The following CNOT11 variants were observed in gnomAD, a reference collection of about 807,000 sequenced individuals.
The protein encoded by CNOT11 is UPF0760 protein C2orf29.
In CNOT11, 18 loss-of-function variants were observed where a neutral mutation model predicts 44.6. The ratio of observed to expected loss-of-function variants is 0.40; its 90% CI spans 0.28 to 0.60. The LOEUF is 0.60. CNOT11 is among the 20% of genes least tolerant of loss of function. CNOT11 has a pLI of 0.38. For missense variants in CNOT11, 513 were observed against 677.0 expected, an observed-to-expected ratio of 0.76 and a Z score of 2.69; for synonymous variants, 291 against 270.9, an observed-to-expected ratio of 1.07 and a Z score of -0.73.
chr2:101,260,406 GTGGAGGAAGGATCACA>G (rs1681829079), intron 2 of CNOT11, among the ~76,000 whole-genome samples: 1 of 152,098 alleles, frequency 6.6e-6, no homozygotes, highest in African/African-American at 2.4e-5. Flanking sequence ...AGTATATCAC[GTGGAGGAAGGATCACA>G]TGTCTAGAGT....
rs1426314327 is a variant in CNOT11, at chr2:101,269,127, A to G, written c.1326A>G (p.Lys442=). Residue 442 remains lysine (K), a synonymous_variant, in exon 6 of 7, where the codon AAA becomes AAG. Coordinates refer to ENST00000289382, the MANE Select transcript of CNOT11 (RefSeq NM_017546.5). The surrounding 1 kb of genome is among the most constrained non-coding windows in gnomAD (Gnocchi z 4.8). Reference sequence around the variant, plus strand: ...CTACTTGTGAACAGATTAAGGATAAATATATGCAGGTAATATAAATTTTTG... The same window carrying G: ...CTACTTGTGAACAGATTAAGGATAAGTATATGCAGGTAATATAAATTTTTG... ...CISTCEQIKD[K]YMQNRLVRLV... 1 of 1,601,972 alleles carries G rather than the reference A, an allele frequency of 6.2e-7. No individual in the cohort carries two copies. Among genetic ancestry groups the G allele is most frequent in the Non-Finnish European group, 8.5e-7 (1 of 1,171,604 alleles).
At chr2:101,266,631 C>CCTTT (rs761022761) in intron 4 of CNOT11, 46 bp from the exon 5 acceptor site, 3 of 1,466,518 alleles carry the variant, frequency 2.0e-6, no homozygotes, top group Non-Finnish European at 2.9e-6. Context: ...GACTCAACAC[C>CCTTT]CTTTCTCTCT....
chr2:101,266,059 A>G lies in CNOT11; in HGVS notation c.1036-618A>G, dbSNP rs1403569049. 2.6e-5 allele frequency among the ~76,000 whole-genome samples: 4 copies of G among 152,314 alleles called. No homozygotes were observed. The East Asian group carries it at 5.8e-4, about 22-fold the overall frequency. Reference sequence around the variant, plus strand: ...TGGAACATATTAAGTAGACGGGGGAAAAAAAGCATAGGACATTTAAAGAGG... The same window carrying G: ...TGGAACATATTAAGTAGACGGGGGAGAAAAAGCATAGGACATTTAAAGAGG... On this transcript the variant is annotated intron_variant, in intron 4 of 6. Coordinates refer to ENST00000289382, the MANE Select transcript of CNOT11 (RefSeq NM_017546.5).
Position 101,253,169 on chromosome 2 carries a change from T to G in CNOT11, c.205T>G (p.Ser69Ala). The G allele has an allele frequency of 6.3e-7, 1 of 1,593,982 alleles. No individual in the cohort carries two copies. The highest frequency in any genetic ancestry group is 8.5e-7 in the Non-Finnish European group (1 of 1,172,386). The change falls in exon 1 of 7, where the codon TCG becomes GCG. Residue 69 changes from serine to alanine, a missense_variant. Ser to Ala is a moderately conservative substitution (Grantham distance 99). Coordinates refer to ENST00000289382, the MANE Select transcript of CNOT11 (RefSeq NM_017546.5). The surrounding 1 kb of genome is among the most constrained non-coding windows in gnomAD (Gnocchi z 4.3). The stretch of plus-strand genomic sequence containing the variant: ...GATGAGCTTGACCCCGAAGGAGCTC[T>G]CGAGCCTGCTGAGCATCATATCGGA... The part of the protein sequence containing the change: ...GRMSLTPKEL[S>A]SLLSIISEEA...
In CNOT11 at chr2:101,257,876, G is replaced by C. The variant is rs200029893; in HGVS notation, c.600G>C (p.Thr200=). 1 of 1,613,884 alleles carries C rather than the reference G, an allele frequency of 6.2e-7. No homozygotes were observed. The highest frequency in any genetic ancestry group is 1.3e-5 in the African/African-American group (1 of 74,892). ...LAPPRELFKK[T]PRQIALMDVG... ...CCCCACGGGAACTCTTCAAAAAGACGCCTCGCCAGATTGCACTGATGGACG... is the reference window on the plus strand; with the variant it reads ...CCCCACGGGAACTCTTCAAAAAGACCCCTCGCCAGATTGCACTGATGGACG... The change falls in exon 2 of 7, where the codon ACG becomes ACC. Residue 200 remains threonine (T), a synonymous_variant. Transcript: ENST00000289382.
intron 4 of CNOT11, among the ~76,000 whole-genome samples, chr2:101,266,115 AG>A (rs1224984864): frequency 6.6e-6 from 1 of 152,192 alleles, no homozygotes; most frequent in African/African-American, 2.4e-5. Context: ...AAGTCCTTTG[AG>A]GATACCTGTT....
At chr2:101,266,330 T>C (rs1681981774) in intron 4 of CNOT11, among the ~76,000 whole-genome samples, 1 of 151,478 alleles carries the variant, frequency 6.6e-6, no homozygotes, top group Non-Finnish European at 1.5e-5. Flanking sequence ...TTACAACAGA[T>C]GACAGAAAAA....
At position 101,270,145 on chromosome 2, in the gene CNOT11, ATATC is replaced by A. The variant is rs906775408; in HGVS notation, c.*733_*736del. On this transcript the variant is annotated 3_prime_UTR_variant, in exon 7 of 7. Transcript: ENST00000289382. Reference sequence around the variant, plus strand: ...AGCCATTTTTTTGTTTTAAGGAAAAATATCAGTCAGTGCTCCGGGAGGTAATTTC... The same window carrying A: ...AGCCATTTTTTTGTTTTAAGGAAAAAAGTCAGTGCTCCGGGAGGTAATTTC... The A allele has an allele frequency of 1.3e-5, 2 of 152,150 alleles. No homozygotes were observed. Among genetic ancestry groups the A allele is most frequent in the African/African-American group, 2.4e-5 (1 of 41,260 alleles). The allele number at this position is 152,150 out of a possible 1,614,324, so 9.4% of individuals were successfully genotyped here.
chr2:101,266,566 AG>A (rs1366104650), intron 4 of CNOT11, 110 bp from the exon 5 acceptor site: 1 of 770,248 alleles, frequency 1.3e-6, no homozygotes, highest in Non-Finnish European at 2.2e-6. Context: ...CAATGCAGAT[AG>A]TTTTGTAGCT....
At position 101,266,664 on chromosome 2, in the gene CNOT11, C is replaced by G. The variant is rs1218081691; in HGVS notation, c.1036-13C>G. 2.5e-6 allele frequency: 4 copies of G among 1,599,904 alleles called. No individual in the cohort carries two copies. Among genetic ancestry groups the G allele is most frequent in the Non-Finnish European group, 3.4e-6 (4 of 1,170,458 alleles). On this transcript the variant is annotated splice_polypyrimidine_tract_variant and intron_variant, in intron 4 of 6. Transcript: ENST00000289382. Reference sequence around the variant, plus strand: ...TCTCCCTCTCTCTCTCTTTAAAAATCTGGTGTATTTAGCTACTTGGTGAGT... The same window carrying G: ...TCTCCCTCTCTCTCTCTTTAAAAATGTGGTGTATTTAGCTACTTGGTGAGT...
chr2:101,269,115 G>C lies in CNOT11; in HGVS notation c.1314G>C (p.Gln438His). 1 of 1,607,012 alleles carries C rather than the reference G, an allele frequency of 6.2e-7. No individual in the cohort carries two copies. The highest frequency in any genetic ancestry group is 8.5e-7 in the Non-Finnish European group (1 of 1,174,952). ...CAAATTGCATCTCTACTTGTGAACA[G>C]ATTAAGGATAAATATATGCAGGTAA... Reference protein sequence around the residue: ...YISNCISTCEQIKDKYMQNRL... With the variant: ...YISNCISTCEHIKDKYMQNRL... Residue 438 changes from glutamine (Q) to histidine (H), a missense_variant, in exon 6 of 7, where the codon CAG (glutamine) becomes CAC (histidine). Transcript: ENST00000289382. The surrounding 1 kb of genome is among the most constrained non-coding windows in gnomAD (Gnocchi z 4.8).
chr2:101,265,983 C>T lies in CNOT11; in HGVS notation c.1036-694C>T, dbSNP rs143953859. Among the ~76,000 whole-genome samples, 957 of 152,266 alleles carry T rather than the reference C, an allele frequency of 6.3e-3. 4 individuals carry two copies. The highest frequency in any genetic ancestry group is 0.022 in the African/African-American group (912 of 41,540). On this transcript the variant is annotated intron_variant, in intron 4 of 6. Coordinates refer to ENST00000289382, the MANE Select transcript of CNOT11 (RefSeq NM_017546.5). The stretch of plus-strand genomic sequence containing the variant: ...CATTTTCAAAACGAAATAATAGCAA[C>T]GTTTGTAGTTCGCTTTGCTCGCAAG...
chr2:101,264,963 T>C lies in CNOT11; in HGVS notation c.951T>C (p.Cys317=). The C allele has an allele frequency of 6.2e-7, 1 of 1,614,184 alleles. No individual in the cohort carries two copies. The highest frequency in any genetic ancestry group is 8.5e-7 in the Non-Finnish European group (1 of 1,180,038). The change falls in exon 4 of 7, where the codon TGT becomes TGC. Residue 317 remains cysteine (C), a synonymous_variant. Transcript: ENST00000289382. ...CGATCCAGTGGGATAAATCGATGTGTGTTAAGAATAGCACTGGTGTGGAGA... is the reference window on the plus strand; with the variant it reads ...CGATCCAGTGGGATAAATCGATGTGCGTTAAGAATAGCACTGGTGTGGAGA... ...DHAIQWDKSM[C]VKNSTGVEIK...
intron 1 of CNOT11, among the ~76,000 whole-genome samples, chr2:101,257,221 C>T (rs527425911): frequency 2.6e-5 from 4 of 151,100 alleles, no homozygotes; most frequent in East Asian, 2.0e-4. Context: ...GGTGAAACCC[C>T]GACTCGACTA....
At position 101,253,183 on chromosome 2, in the gene CNOT11, C is replaced by G; in HGVS notation, c.219C>G (p.Ser73Arg). The G allele has an allele frequency of 1.2e-6, 2 of 1,603,132 alleles. No homozygotes were observed. The highest frequency in any genetic ancestry group is 1.7e-6 in the Non-Finnish European group (2 of 1,176,242). Reference protein sequence around the residue: ...LTPKELSSLLSIISEEAGGGS... With the variant: ...LTPKELSSLLRIISEEAGGGS... ...CGAAGGAGCTCTCGAGCCTGCTGAG[C>G]ATCATATCGGAGGAGGCGGGCGGCG... Residue 73 changes from serine (S) to arginine (R), a missense_variant, in exon 1 of 7, where the codon AGC becomes AGG. By Grantham distance (110) the Ser-to-Arg change is moderately radical. Coordinates refer to ENST00000289382, the MANE Select transcript of CNOT11 (RefSeq NM_017546.5). This position sits in a 1 kb window ranked among gnomAD's most constrained non-coding sequence, Gnocchi z 4.3.
In CNOT11 at chr2:101,257,772, T is replaced by C; in HGVS notation, c.515-19T>C. On this transcript the variant is annotated intron_variant, in intron 1 of 6. Coordinates refer to ENST00000289382, the MANE Select transcript of CNOT11 (RefSeq NM_017546.5). Reference sequence around the variant, plus strand: ...TAAAAGTAACCATTGGAGAAATCGTTATACATTTTTGTTTGCAGGATTTTT... The same window carrying C: ...TAAAAGTAACCATTGGAGAAATCGTCATACATTTTTGTTTGCAGGATTTTT... 2 of 1,597,350 alleles carry C rather than the reference T, an allele frequency of 1.3e-6. No homozygotes were observed. The highest frequency in any genetic ancestry group is 1.7e-5 in the Admixed American group (1 of 57,904).
chr2:101,266,437 C>T (rs1681984817), intron 4 of CNOT11, among the ~76,000 whole-genome samples: 1 of 151,954 alleles, frequency 6.6e-6, no homozygotes, highest in South Asian at 2.1e-4. Flanking sequence ...ATAGGAATCA[C>T]TAGCATATTT....
rs1300501042 is a variant in CNOT11 at position 101,253,444 on chromosome 2, C to T, written c.480C>T (p.Arg160=). 2.0e-6 allele frequency: 3 copies of T among 1,522,800 alleles called. No individual in the cohort carries two copies. The highest frequency in any genetic ancestry group is 2.6e-6 in the Non-Finnish European group (3 of 1,147,008). 94.3% of individuals were successfully genotyped at this position (1,522,800 alleles called of 1,614,324 possible). The change falls in exon 1 of 7, where the codon CGC becomes CGT. Residue 160 remains arginine (R), a synonymous_variant. Coordinates refer to ENST00000289382, the MANE Select transcript of CNOT11 (RefSeq NM_017546.5). This position sits in a 1 kb window ranked among gnomAD's most constrained non-coding sequence, Gnocchi z 4.3. ...AHLLNPAPPA[R]GGQEPDRPPL... is the part of the protein sequence containing the mutation. ...TGCTCAACCCCGCGCCGCCCGCCCG[C>T]GGCGGCCAGGAACCCGACCGCCCTC...
intron 5 of CNOT11, among the ~76,000 whole-genome samples, chr2:101,267,807 G>T (rs1420334959): frequency 6.6e-6 from 1 of 152,108 alleles, no homozygotes; most frequent in East Asian, 1.9e-4. Flanking sequence ...CCTGGTGGAG[G>T]CTTTGCATCC....
Sources: allele counts gnomAD v4.1 joint callset (sites outside exome capture counted in the v4.1 genomes callset), GRCh38; gene constraint gnomAD v4.1.1; non-coding constraint Gnocchi (gnomAD v3.1); transcripts MANE v1.5; gene names NCBI Gene and HGNC (gene_info 2026-07-23, HGNC 2026-07-21).